GTF2IRD2B: variants seen among roughly 807,000 people sequenced by gnomAD.
GTF2IRD2B encodes general transcription factor II-I repeat domain-containing protein 2B.
GTF2IRD2B carries 10 observed loss-of-function variants against 55.6 expected under a neutral mutation model. That is an observed-to-expected ratio of 0.18 (90% CI 0.11 to 0.31). GTF2IRD2B has a LOEUF of 0.31. Among genes scored for constraint, GTF2IRD2B ranks in the 10% least tolerant of loss-of-function variants. The pLI is 1.00. For synonymous variants in GTF2IRD2B, 107 were observed against 320.5 expected (o/e 0.33, Z 7.12); for missense variants, 206 against 802.7 (o/e 0.26, Z 8.98).
intron 1 of GTF2IRD2B, 140 bp downstream of exon 1, chr7:75,092,905 G>A (rs1807296250): frequency 6.6e-6 from 1 of 151,820 alleles, no homozygotes; most frequent in Non-Finnish European, 1.5e-5. Flanking sequence ...GGACACCCCG[G>A]CGCCCCGAGG....
Position 75,149,216 on chromosome 7 carries a change from C to T in GTF2IRD2B, c.2769C>T (p.Ser923=). Residue 923 remains serine, a synonymous_variant, in exon 16 of 16, where the codon TCC becomes TCT. Coordinates refer to ENST00000472837, the MANE Select transcript of GTF2IRD2B (RefSeq NM_001003795.3). ...GSTYICEQLF[S]IMKLSKTKYC... is the part of the protein sequence containing the mutation. Reference sequence around the variant, plus strand: ...CCTACATCTGCGAACAGCTGTTCTCCATTATGAAACTGAGCAAAACAAAAT... The same window carrying T: ...CCTACATCTGCGAACAGCTGTTCTCTATTATGAAACTGAGCAAAACAAAAT... The T allele has an allele frequency of 2.8e-6, 2 of 706,910 alleles. No homozygotes were observed. The highest frequency in any genetic ancestry group is 3.0e-5 in the South Asian group (2 of 66,444). The allele number at this position is 706,910 out of a possible 1,614,324, so 43.8% of individuals were successfully genotyped here.
intron 10 of GTF2IRD2B, among the ~76,000 whole-genome samples, chr7:75,136,329 C>A: frequency 6.7e-6 from 1 of 148,612 alleles, no homozygotes; most frequent in African/African-American, 2.5e-5. Context: ...GACAGAATCT[C>A]ACCCTGTCAC....
At chr7:75,117,556 C>T (rs1464690396) in intron 3 of GTF2IRD2B, among the ~76,000 whole-genome samples, 4 of 152,298 alleles carry the variant, frequency 2.6e-5, no homozygotes, top group Non-Finnish European at 5.9e-5. Flanking sequence ...TCCACTAATA[C>T]TCCAGCTGGC....
At position 75,148,835 on chromosome 7, in the gene GTF2IRD2B, T is replaced by C; in HGVS notation, c.2388T>C (p.Thr796=). The change falls in exon 16 of 16, where the codon ACT becomes ACC. Residue 796 remains threonine (T), a synonymous_variant. Transcript: ENST00000472837. ...AFLAKLCLWE[T]HLTRNNLAHF... ...TAGCAAAACTGTGCCTCTGGGAGAC[T>C]CATTTGACGAGGAATAATCTGGCCC... 6.2e-6 allele frequency: 10 copies of C among 1,607,962 alleles called. No homozygotes were observed. The highest frequency in any genetic ancestry group is 7.7e-6 in the Non-Finnish European group (9 of 1,174,620).
chr7:75,136,372 C>CT (rs1808838169), intron 10 of GTF2IRD2B, among the ~76,000 whole-genome samples: 1 of 149,596 alleles, frequency 6.7e-6, no homozygotes, highest in South Asian at 2.1e-4. Flanking sequence ...ACGACCTTGG[C>CT]TCACTGCAGC....
chr7:75,137,983 AT>A (rs1264490153), intron 11 of GTF2IRD2B, among the ~76,000 whole-genome samples: 1 of 105,220 alleles, frequency 9.5e-6, no homozygotes, highest in Non-Finnish European at 1.8e-5. Context: ...TTAAAAAAAA[AT>A]TTTTTTTTAA....
chr7:75,148,565 G>C lies in GTF2IRD2B; in HGVS notation c.2118G>C (p.Leu706=). The C allele has an allele frequency of 8.1e-7, 1 of 1,228,902 alleles. No homozygotes were observed. The highest frequency in any genetic ancestry group is 1.2e-6 in the Non-Finnish European group (1 of 844,380). The allele number at this position is 1,228,902 out of a possible 1,614,324, so 76.1% of individuals were successfully genotyped here. The change falls in exon 16 of 16, where the codon CTG becomes CTC. Residue 706 remains leucine (L), a synonymous_variant. Transcript: ENST00000472837. ...TGGACAGCCAGTATGGTAGCCTCCT[G>C]TACTACACGGAGATTAAGTGGCTCA... ...YELDSQYGSL[L]YYTEIKWLSR...
chr7:75,112,850 G>A (rs1808018094), intron 3 of GTF2IRD2B, among the ~76,000 whole-genome samples: 1 of 67,674 alleles, frequency 1.5e-5, no homozygotes, highest in Admixed American at 1.8e-4. Flanking sequence ...TCCAAAGGAA[G>A]GGGGAAAAAC....
chr7:75,105,982 C>T (rs1424556605), intron 1 of GTF2IRD2B, among the ~76,000 whole-genome samples: 1 of 152,308 alleles, frequency 6.6e-6, no homozygotes, highest in Non-Finnish European at 1.5e-5. Context: ...CTGACGTCCT[C>T]AGTCCACGAA....
intron 3 of GTF2IRD2B, among the ~76,000 whole-genome samples, chr7:75,119,508 GC>G (rs1305402873): frequency 8.5e-6 from 1 of 117,104 alleles, no homozygotes; most frequent in Non-Finnish European, 1.8e-5. Context: ...ACAAAAATGA[GC>G]CTGGTGTAGT....
intron 1 of GTF2IRD2B, among the ~76,000 whole-genome samples, chr7:75,104,041 G>A (rs1187182678): frequency 1.3e-5 from 2 of 150,208 alleles, no homozygotes. Context: ...GCGACAGAGC[G>A]AGACTCCGTC....
chr7:75,115,913 TCTTTC>T (rs1223972531), intron 3 of GTF2IRD2B, among the ~76,000 whole-genome samples: 24,962 of 129,126 alleles, frequency 0.19, 101 homozygotes, highest in African/African-American at 0.33. Context: ...TAATTTCTTT[TCTTTC>T]TTTTTTTTTT....
intron 8 of GTF2IRD2B, among the ~76,000 whole-genome samples, chr7:75,130,292 C>T (rs1478793414): frequency 1.7e-5 from 1 of 58,596 alleles, no homozygotes; most frequent in African/African-American, 6.5e-5. Context: ...ATTCTCCTGT[C>T]TCAGCCTCCT....
Position 75,134,864 on chromosome 7 carries a change from G to A in GTF2IRD2B, c.749-137G>A, listed in dbSNP as rs141418627. 3,646 of 1,409,768 alleles carry A rather than the reference G, an allele frequency of 2.6e-3. 86 individuals carry two copies. The East Asian group carries it at 0.039, about 15-fold the overall frequency. 87.3% of individuals were successfully genotyped at this position (1,409,768 alleles called of 1,614,324 possible). On this transcript the variant is annotated intron_variant, in intron 9 of 15. Transcript: ENST00000472837. ...TTACAGGCGTGAGTTACCGCGCGCA[G>A]CCAGTTTTATTTCAAGGGGTAGAAG...
chr7:75,121,609 C>T (rs1387872608), intron 4 of GTF2IRD2B, among the ~76,000 whole-genome samples: 3 of 145,234 alleles, frequency 2.1e-5, no homozygotes, highest in Non-Finnish European at 4.6e-5. Context: ...CAGGTGCCCA[C>T]CACCTTGCCC....
chr7:75,121,525 C>G (rs1381514329), intron 4 of GTF2IRD2B, among the ~76,000 whole-genome samples: 13 of 148,428 alleles, frequency 8.8e-5, no homozygotes, highest in African/African-American at 3.2e-4. Context: ...TTGGCACAAT[C>G]TCAGCTCACT....
In GTF2IRD2B at chr7:75,148,313, A is replaced by G. The variant is rs782365346; in HGVS notation, c.1866A>G (p.Pro622=). The part of the protein sequence containing the change: ...RLVSVASTGT[P]AMVDANNGLV... ...TAAGCGTGGCCTCCACTGGCACCCCAGCGATGGTGGATGCCAATAACGGGC... is the reference window on the plus strand; with the variant it reads ...TAAGCGTGGCCTCCACTGGCACCCCGGCGATGGTGGATGCCAATAACGGGC... The change falls in exon 16 of 16, where the codon CCA becomes CCG. Residue 622 remains proline, a synonymous_variant. Transcript: ENST00000472837. The G allele has an allele frequency of 2.9e-5, 46 of 1,613,674 alleles. No homozygotes were observed. The highest frequency in any genetic ancestry group is 3.8e-5 in the Non-Finnish European group (45 of 1,179,820).
intron 6 of GTF2IRD2B, chr7:75,123,721 A>C: frequency 1.7e-6 from 1 of 602,146 alleles, no homozygotes; most frequent in Non-Finnish European, 3.0e-6. Context: ...TAAAAATACG[A>C]AAAAAAATTA....
At chr7:75,121,119 C>G (rs1808349971) in intron 4 of GTF2IRD2B, 109 bp downstream of exon 4, 7 of 796,828 alleles carry the variant, frequency 8.8e-6, no homozygotes, top group Non-Finnish European at 1.4e-5. Context: ...TCACTGCAAC[C>G]TCCGCCTCCT....
Sources: allele counts gnomAD v4.1 joint callset (sites outside exome capture counted in the v4.1 genomes callset), GRCh38; gene constraint gnomAD v4.1.1; transcripts MANE v1.5; gene names NCBI Gene and HGNC (gene_info 2026-07-23, HGNC 2026-07-21).